ARID5A: variants seen among roughly 807,000 people sequenced by gnomAD.
The protein encoded by ARID5A is AT-rich interaction domain 5A.
ARID5A carries 14 observed loss-of-function variants against 30.5 expected under a neutral mutation model. The ratio of observed to expected loss-of-function variants is 0.46; its 90% CI spans 0.30 to 0.72. The LOEUF is 0.72. Ranked by LOEUF, ARID5A falls within the 30% of genes least tolerant of loss-of-function variation. The pLI is 0.07. For missense variants in ARID5A, 669 were observed against 786.2 expected (o/e 0.85, Z 1.78); for synonymous variants, 338 against 340.4 (o/e 0.99, Z 0.08).
At position 96,550,554 on chromosome 2, in the gene ARID5A, C is replaced by T; in HGVS notation, c.411-20C>T. 1 of 1,584,782 alleles carries T rather than the reference C, an allele frequency of 6.3e-7. No individual in the cohort carries two copies. On this transcript the variant is annotated intron_variant, in intron 5 of 6. Transcript: ENST00000357485. The surrounding 1 kb of genome is among the most constrained non-coding windows in gnomAD (Gnocchi z 6.6). ...GGATGGGCGCCGGCCTCCTGGGGGACATGCGTGGTTCCTCACCAGGCTGGT... is the reference window on the plus strand; with the variant it reads ...GGATGGGCGCCGGCCTCCTGGGGGATATGCGTGGTTCCTCACCAGGCTGGT...
At position 96,549,505 on chromosome 2, in the gene ARID5A, C is replaced by T. The variant is rs1289148932; in HGVS notation, c.259+46C>T. On this transcript the variant is annotated intron_variant, in intron 3 of 6. Coordinates refer to ENST00000357485, the MANE Select transcript of ARID5A (RefSeq NM_212481.3). The surrounding 1 kb of genome is among the most constrained non-coding windows in gnomAD (Gnocchi z 6.1). ...CAGGGAGGGGGGCCCAGCAGGGGAC[C>T]CCGCCCAGGCAGGGCATCGGGCAGG... The T allele has an allele frequency of 6.3e-7, 1 of 1,595,650 alleles. No individual in the cohort carries two copies. The highest frequency in any genetic ancestry group is 8.5e-7 in the Non-Finnish European group (1 of 1,169,618).
intron 1 of ARID5A, 27 bp from the exon 2 acceptor site, chr2:96,547,375 C>G: frequency 1.2e-6 from 2 of 1,600,560 alleles, no homozygotes; most frequent in Non-Finnish European, 1.7e-6. Flanking sequence ...ACCCCTTCCT[C>G]CTTACTCCTT....
rs1364184702 is a variant in ARID5A at position 96,550,414 on chromosome 2, C to T, written c.410+129C>T. ...TGCGCCGTCCTCAGAGCTGCGGGAG[C>T]CCAGGCTGGCTGGGCGCACTCACTG... On this transcript the variant is annotated intron_variant, in intron 5 of 6. Transcript: ENST00000357485. This position sits in a 1 kb window ranked among gnomAD's most constrained non-coding sequence, Gnocchi z 6.6. The T allele has an allele frequency of 7.0e-7, 1 of 1,430,022 alleles. No homozygotes were observed. Among genetic ancestry groups the T allele is most frequent in the Non-Finnish European group, 9.1e-7 (1 of 1,093,072 alleles). The allele number at this position is 1,430,022 out of a possible 1,614,324, so 88.6% of individuals were successfully genotyped here. A position where few individuals can be genotyped will look rare whatever the true frequency, so the allele number is the denominator to read the frequency against.
intron 1 of ARID5A, among the ~76,000 whole-genome samples, chr2:96,547,154 CTT>C (rs1204775421): frequency 1.4e-5 from 2 of 143,054 alleles, no homozygotes; most frequent in Non-Finnish European, 3.1e-5. Context: ...CTGGCCAATT[CTT>C]TTTTTTTTTT....
Position 96,550,009 on chromosome 2 carries a change from A to G in ARID5A, c.313-179A>G, listed in dbSNP as rs769385508. On this transcript the variant is annotated intron_variant, in intron 4 of 6. Coordinates refer to ENST00000357485, the MANE Select transcript of ARID5A (RefSeq NM_212481.3). This position sits in a 1 kb window ranked among gnomAD's most constrained non-coding sequence, Gnocchi z 6.6. ...TCTGTTCTGCCCGCCCCGTGTTGGG[A>G]AAACTGCTTGGGCCAGCAGTCCATG... is the stretch of plus-strand genomic sequence containing the variant. The G allele has an allele frequency of 7.2e-6, 11 of 1,534,016 alleles. No individual in the cohort carries two copies. In the East Asian group the frequency reaches 1.2e-4, roughly 17 times the overall value.
At chr2:96,538,464 G>C in intron 1 of ARID5A, 3 of 460,538 alleles carry the variant, frequency 6.5e-6, no homozygotes, top group Non-Finnish European at 8.7e-6. Flanking sequence ...CCTCCCCCAA[G>C]CTGAGGTACT....
At position 96,549,569 on chromosome 2, in the gene ARID5A, G is replaced by A. The variant is rs571598108; in HGVS notation, c.259+110G>A. The A allele has an allele frequency of 1.3e-6, 2 of 1,508,756 alleles. No individual in the cohort carries two copies. The highest frequency in any genetic ancestry group is 1.4e-5 in the African/African-American group (1 of 72,472). 93.5% of individuals were successfully genotyped at this position (1,508,756 alleles called of 1,614,324 possible). ...GGTGACCCAGGTTGCAGATAGAAAG[G>A]AGGCCTCCCTCCAGGCTGCCACTGG... is the stretch of plus-strand genomic sequence containing the variant. On this transcript the variant is annotated intron_variant, in intron 3 of 6. Coordinates refer to ENST00000357485, the MANE Select transcript of ARID5A (RefSeq NM_212481.3). This position sits in a 1 kb window ranked among gnomAD's most constrained non-coding sequence, Gnocchi z 6.1.
rs779728808 is a variant in ARID5A, at chr2:96,550,022, C to T, written c.313-166C>T. 29 of 1,533,810 alleles carry T rather than the reference C, an allele frequency of 1.9e-5. No individual in the cohort carries two copies. In the South Asian group the frequency reaches 3.2e-4, roughly 17 times the overall value. ...CCCCGTGTTGGGAAAACTGCTTGGG[C>T]CAGCAGTCCATGGCCCTAGGAGAGA... On this transcript the variant is annotated intron_variant, in intron 4 of 6. Transcript: ENST00000357485. The surrounding 1 kb of genome is among the most constrained non-coding windows in gnomAD (Gnocchi z 6.6).
chr2:96,548,189 T>C (rs1180174822), intron 2 of ARID5A, among the ~76,000 whole-genome samples: 3 of 152,308 alleles, frequency 2.0e-5, no homozygotes, highest in African/African-American at 7.2e-5. Flanking sequence ...AGGTCTTTAA[T>C]ACCTTAAAAA....
intron 1 of ARID5A, among the ~76,000 whole-genome samples, chr2:96,544,196 C>T (rs184408865): frequency 3.3e-5 from 5 of 152,306 alleles, no homozygotes; most frequent in Admixed American, 2.0e-4. Context: ...AAGTGCAAGG[C>T]GAATCAACCA....
At chr2:96,542,557 C>T (rs2065863911) in intron 1 of ARID5A, among the ~76,000 whole-genome samples, 1 of 152,170 alleles carries the variant, frequency 6.6e-6, no homozygotes, top group African/African-American at 2.4e-5. Flanking sequence ...GGCTCACAAC[C>T]TGGCTGCCCA....
At chr2:96,547,573 G>A in intron 2 of ARID5A, 56 bp downstream of exon 2, 1 of 1,527,816 alleles carries the variant, frequency 6.5e-7, no homozygotes. Context: ...ACCCTCACCT[G>A]TGCTCCGCCT....
chr2:96,537,859 A>G lies in ARID5A; in HGVS notation c.4+1029A>G, dbSNP rs2065769026. ...GGGGGTCCCAAGGCGCTGCGGGTCC[A>G]GTGTCCCTTTGTTTGCAGAGTCTTG... On this transcript the variant is annotated intron_variant, in intron 1 of 6. Coordinates refer to ENST00000357485, the MANE Select transcript of ARID5A (RefSeq NM_212481.3). This position sits in a 1 kb window ranked among gnomAD's most constrained non-coding sequence, Gnocchi z 4.8. The G allele has an allele frequency of 1.0e-6, 1 of 985,406 alleles. No individual in the cohort carries two copies. Among genetic ancestry groups the G allele is most frequent in the South Asian group, 4.7e-5 (1 of 21,292 alleles). 61.0% of individuals were successfully genotyped at this position (985,406 alleles called of 1,614,324 possible).
rs535842864 is a variant in ARID5A, at chr2:96,552,599, C to A, written c.*286C>A. ...GAGCTCGAAGCACCCAGGTTGCCCA[C>A]GGAAAATCCAATAAAAAGACACCAG... is the stretch of plus-strand genomic sequence containing the variant. On this transcript the variant is annotated 3_prime_UTR_variant, in exon 7 of 7. Transcript: ENST00000357485. 2.7e-6 allele frequency: 4 copies of A among 1,461,542 alleles called. No homozygotes were observed. Among genetic ancestry groups the A allele is most frequent in the Admixed American group, 2.4e-5 (1 of 41,814 alleles). The allele number at this position is 1,461,542 out of a possible 1,614,324, so 90.5% of individuals were successfully genotyped here.
chr2:96,547,603 C>T (rs924886798), intron 2 of ARID5A, 86 bp downstream of exon 2: 63 of 1,266,274 alleles, frequency 5.0e-5, no homozygotes, highest in Non-Finnish European at 7.0e-5. Flanking sequence ...CCTGGACACT[C>T]CCCAAGCTCT....
At chr2:96,547,340 CT>C in intron 1 of ARID5A, 61 bp from the exon 2 acceptor site, 1 of 1,413,412 alleles carries the variant, frequency 7.1e-7, no homozygotes, top group African/African-American at 1.4e-5. Flanking sequence ...TTCCTCCCTG[CT>C]TGCATCTCAT....
chr2:96,541,957 A>G (rs1005183355), intron 1 of ARID5A, among the ~76,000 whole-genome samples: 1 of 152,222 alleles, frequency 6.6e-6, no homozygotes, highest in Admixed American at 6.5e-5. Context: ...CTCCAGCTCC[A>G]TAAGCCTTTT....
chr2:96,551,775 G>A lies in ARID5A; in HGVS notation c.1247G>A (p.Cys416Tyr), dbSNP rs143598492. The change falls in exon 7 of 7, where the codon TGC becomes TAC. Residue 416 changes from cysteine to tyrosine, a missense_variant. Cys to Tyr is a radical substitution (Grantham distance 194, BLOSUM62 -2). Transcript: ENST00000357485. ...KGILYPKPKA[C>Y]WVSPMAKVPA... The stretch of plus-strand genomic sequence containing the variant: ...ATCCTCTACCCCAAGCCCAAAGCCT[G>A]CTGGGTGTCCCCCATGGCCAAGGTC... 2.0e-5 allele frequency: 31 copies of A among 1,537,228 alleles called. 1 individual carries two copies. The highest frequency in any genetic ancestry group is 4.4e-5 in the Admixed American group (2 of 45,522).
At position 96,536,790 on chromosome 2, in the gene ARID5A, G is replaced by T. The variant is rs1558610314; in HGVS notation, c.-37G>T. 1.6e-6 allele frequency: 2 copies of T among 1,226,698 alleles called. No individual in the cohort carries two copies. The highest frequency in any genetic ancestry group is 4.3e-5 in the Admixed American group (1 of 23,498). The allele number at this position is 1,226,698 out of a possible 1,614,324, so 76.0% of individuals were successfully genotyped here. Reference sequence around the variant, plus strand: ...CGGGGTCCGGACAGCCGCGCGCTGAGGGTCTCGGGGCGGGCGCCGCGGGAC... The same window carrying T: ...CGGGGTCCGGACAGCCGCGCGCTGATGGTCTCGGGGCGGGCGCCGCGGGAC... On this transcript the variant is annotated 5_prime_UTR_variant, in exon 1 of 7. The change creates a new upstream start codon in the 5' untranslated region. Coordinates refer to ENST00000357485, the MANE Select transcript of ARID5A (RefSeq NM_212481.3).
Sources: allele counts gnomAD v4.1 joint callset (sites outside exome capture counted in the v4.1 genomes callset), GRCh38; gene constraint gnomAD v4.1.1; non-coding constraint Gnocchi (gnomAD v3.1); transcripts MANE v1.5; gene names NCBI Gene and HGNC (gene_info 2026-07-23, HGNC 2026-07-21).